DISC1: variants seen among roughly 807,000 people sequenced by gnomAD.
DISC1 encodes the protein DISC1 scaffold protein.
In DISC1, 57 loss-of-function variants were observed where a neutral mutation model predicts 84.5. The observed-to-expected ratio is 0.67, with a 90% CI of 0.55 to 0.84. The LOEUF is 0.84. Among genes scored for constraint, DISC1 ranks in the 40% least tolerant of loss-of-function variants. DISC1 has a pLI of 0.00. For synonymous variants in DISC1, 411 were observed against 415.2 expected (o/e 0.99, Z 0.12); for missense variants, 1,000 against 1,057.8 (o/e 0.95, Z 0.76).
At chr1:232,012,707 A>G (rs1668133684) in intron 11 of DISC1, among the ~76,000 whole-genome samples, 1 of 152,164 alleles carries the variant, frequency 6.6e-6, no homozygotes, top group Non-Finnish European at 1.5e-5. Flanking sequence ...TATCTGGCCA[A>G]CGTGGTGATG....
At chr1:231,785,549 C>T (rs745611774) in intron 6 of DISC1, among the ~76,000 whole-genome samples, 1 of 152,038 alleles carries the variant, frequency 6.6e-6, no homozygotes, top group Non-Finnish European at 1.5e-5. Context: ...CCATCTTGGC[C>T]TCCCAAAGTG....
chr1:231,648,797 TG>T (rs1558241657), intron 1 of DISC1, among the ~76,000 whole-genome samples: 1 of 152,194 alleles, frequency 6.6e-6, no homozygotes, highest in Admixed American at 6.5e-5. Flanking sequence ...AGGGTGTATG[TG>T]TCCAGGAATT....
intron 3 of DISC1, among the ~76,000 whole-genome samples, chr1:231,710,045 G>C (rs1424077385): frequency 3.3e-5 from 5 of 152,114 alleles, no homozygotes; most frequent in Admixed American, 1.3e-4. Flanking sequence ...GACAGGATGA[G>C]GCAGTGACTT....
chr1:231,991,979 T>C (rs1665266295), intron 10 of DISC1, among the ~76,000 whole-genome samples: 1 of 152,210 alleles, frequency 6.6e-6, no homozygotes, highest in Non-Finnish European at 1.5e-5. Context: ...GAGGTAAAAA[T>C]GGCTGTATGA....
intron 4 of DISC1, among the ~76,000 whole-genome samples, chr1:231,756,441 T>C (rs998511623): frequency 1.3e-5 from 2 of 152,172 alleles, no homozygotes; most frequent in African/African-American, 4.8e-5. Context: ...CTGTATTCTA[T>C]ATTCATTGAA....
chr1:232,001,987 CT>C (rs1379573156), intron 10 of DISC1, among the ~76,000 whole-genome samples: 1 of 152,142 alleles, frequency 6.6e-6, no homozygotes, highest in Non-Finnish European at 1.5e-5. Context: ...CCATATATAT[CT>C]GACAAAGTAT....
chr1:231,802,461 C>T (rs2079350856), intron 8 of DISC1, among the ~76,000 whole-genome samples: 1 of 152,090 alleles, frequency 6.6e-6, no homozygotes, highest in Admixed American at 6.6e-5. Flanking sequence ...TCAATTAAAT[C>T]TATTTTCTTT....
intron 8 of DISC1, among the ~76,000 whole-genome samples, chr1:231,812,559 G>A (rs980012712): frequency 1.3e-5 from 2 of 152,254 alleles, no homozygotes; most frequent in Non-Finnish European, 2.9e-5. Flanking sequence ...TGTTATTTGC[G>A]GAATAAAATA....
chr1:231,935,421 T>C (rs1343891237), intron 9 of DISC1, among the ~76,000 whole-genome samples: 2 of 152,192 alleles, frequency 1.3e-5, no homozygotes, highest in Non-Finnish European at 1.5e-5. Context: ...GCAGGAAAGA[T>C]TACACTGAAA....
intron 1 of DISC1, among the ~76,000 whole-genome samples, chr1:231,681,074 A>T (rs1162095586): frequency 6.6e-6 from 1 of 152,158 alleles, no homozygotes; most frequent in East Asian, 1.9e-4. Flanking sequence ...CATTAGAGAC[A>T]CCCATCTGTA....
At chr1:231,861,676 A>C (rs1234071283) in intron 9 of DISC1, among the ~76,000 whole-genome samples, 1 of 152,156 alleles carries the variant, frequency 6.6e-6, no homozygotes, top group Non-Finnish European at 1.5e-5. Context: ...TGATGATGCC[A>C]TTCAATATCA....
rs1410533397 is a variant in DISC1, at chr1:231,832,340, G to A, written c.1981+13823G>A. 4.6e-5 allele frequency among the ~76,000 whole-genome samples: 7 copies of A among 151,494 alleles called. No individual in the cohort carries two copies. The East Asian group carries it at 1.2e-3, about 25-fold the overall frequency. Reference sequence around the variant, plus strand: ...CTAAAACAGTAAGGTCAAGTTGTTTGGACAGAAAGGCTACAGGGTGCGGTC... The same window carrying A: ...CTAAAACAGTAAGGTCAAGTTGTTTAGACAGAAAGGCTACAGGGTGCGGTC... On this transcript the variant is annotated intron_variant, in intron 9 of 12. Transcript: ENST00000439617.
Position 232,031,344 on chromosome 1 carries a change from G to A in DISC1, c.2425+4792G>A, listed in dbSNP as rs917339138. 3.0e-5 allele frequency among the ~76,000 whole-genome samples: 4 copies of A among 132,660 alleles called. No individual in the cohort carries two copies. The highest frequency in any genetic ancestry group is 1.5e-4 in the Admixed American group (2 of 13,222). The allele number at this position is 132,660 out of a possible 152,430, so 87.0% of individuals were successfully genotyped here. A position where few individuals can be genotyped will look rare whatever the true frequency, so the allele number is the denominator to read the frequency against. On this transcript the variant is annotated intron_variant, in intron 12 of 12. Coordinates refer to ENST00000439617, the MANE Select transcript of DISC1 (RefSeq NM_018662.3). This position sits in a 1 kb window ranked among gnomAD's most constrained non-coding sequence, Gnocchi z 4.6. ...AGAAAAGGAAAGGAAAAGGAAAAGA[G>A]GAAAGAAAAGGAAAGGGAAGGGAGA...
intron 9 of DISC1, among the ~76,000 whole-genome samples, chr1:231,921,108 G>A (rs915724074): frequency 6.6e-6 from 1 of 151,704 alleles, no homozygotes; most frequent in African/African-American, 2.4e-5. Context: ...TAGAGACGGG[G>A]TTTCACCATG....
intron 9 of DISC1, among the ~76,000 whole-genome samples, chr1:231,831,467 C>T (rs1285539386): frequency 4.6e-5 from 7 of 152,116 alleles, no homozygotes; most frequent in Non-Finnish European, 1.0e-4. Context: ...GAAGTTTCAG[C>T]AGGGGAGTAG....
intron 1 of DISC1, among the ~76,000 whole-genome samples, chr1:231,660,461 CA>C (rs201735045): frequency 1.8e-3 from 275 of 150,354 alleles, no homozygotes; most frequent in East Asian, 8.9e-3. Context: ...GCATTTAGCC[CA>C]AAAAAAAAAT....
intron 1 of DISC1, 66 bp downstream of exon 1, chr1:231,627,000 G>GC: frequency 8.3e-7 from 1 of 1,198,998 alleles, no homozygotes; most frequent in Non-Finnish European, 1.1e-6. Context: ...GCGCGCTCTG[G>GC]CCCCCAGGAA....
At position 231,981,142 on chromosome 1, in the gene DISC1, C is replaced by T. The variant is rs759039133; in HGVS notation, c.2042+22254C>T. On this transcript the variant is annotated intron_variant, in intron 10 of 12. Coordinates refer to ENST00000439617, the MANE Select transcript of DISC1 (RefSeq NM_018662.3). ...AATTTTTTGTAGAGATGGGGTCTTGCAATGTTGTTGAGACTGGCCTTGAAC... is the reference window on the plus strand; with the variant it reads ...AATTTTTTGTAGAGATGGGGTCTTGTAATGTTGTTGAGACTGGCCTTGAAC... 2.9e-4 allele frequency among the ~76,000 whole-genome samples: 44 copies of T among 152,194 alleles called. No homozygotes were observed. The Middle Eastern group carries it at 0.014, about 47-fold the overall frequency.
rs1292961058 is a variant in DISC1 at position 232,037,878 on chromosome 1, C to T, written c.*1047C>T. 3 of 151,430 alleles carry T rather than the reference C, an allele frequency of 2.0e-5. No individual in the cohort carries two copies. The highest frequency in any genetic ancestry group is 4.4e-5 in the Non-Finnish European group (3 of 68,188). 9.4% of individuals were successfully genotyped at this position (151,430 alleles called of 1,614,324 possible). ...GGCAGTGCAGTACTCAGGAATGCAG[C>T]ACAGTACTCAGGCAGTGCAATACTC... On this transcript the variant is annotated 3_prime_UTR_variant, in exon 13 of 13. Transcript: ENST00000439617.
Sources: allele counts gnomAD v4.1 joint callset (sites outside exome capture counted in the v4.1 genomes callset), GRCh38; gene constraint gnomAD v4.1.1; non-coding constraint Gnocchi (gnomAD v3.1); transcripts MANE v1.5; gene names NCBI Gene and HGNC (gene_info 2026-07-23, HGNC 2026-07-21).